The following MCUB variants were observed in gnomAD, a reference collection of about 807,000 sequenced individuals.
The protein encoded by MCUB is mitochondrial calcium uniporter dominant negative subunit beta, also known as calcium uniporter regulatory subunit MCUb, mitochondrial.
MCUB carries 46 observed loss-of-function variants against 41.4 expected under a neutral mutation model. The observed-to-expected ratio is 1.11, with a 90% CI of 0.88 to 1.42. The LOEUF is 1.42. MCUB is among the 40% of genes most tolerant of loss of function. MCUB has a pLI of 0.00. For synonymous variants in MCUB, 148 were observed against 148.2 expected (o/e 1.00, Z 0.01); for missense variants, 403 against 404.9 (o/e 1.00, Z 0.04).
At chr4:109,565,545 C>T (rs1305686973) in intron 1 of MCUB, among the ~76,000 whole-genome samples, 2 of 152,012 alleles carry the variant, frequency 1.3e-5, no homozygotes, top group Admixed American at 1.3e-4. Context: ...CAGAGAACAG[C>T]GAGCTGGTGT....
chr4:109,614,664 C>G (rs545481380), intron 1 of MCUB, among the ~76,000 whole-genome samples: 2 of 150,024 alleles, frequency 1.3e-5, no homozygotes, highest in Middle Eastern at 3.4e-3. Context: ...CCCCCAGGGA[C>G]TCAAGGTCGT....
chr4:109,606,276 GT>G lies in MCUB; in HGVS notation c.99+45848del, dbSNP rs372870427. On this transcript the variant is annotated intron_variant, in intron 1 of 7. Transcript: ENST00000394650. ...AGGTGTGAGCCACTGTGCCTGGCCT[GT>G]TTTTTTTGTTTTGTTTAAATCCATT... Among the ~76,000 whole-genome samples, 544 of 151,714 alleles carry G rather than the reference GT, an allele frequency of 3.6e-3. 7 individuals are homozygous for G. Among genetic ancestry groups the G allele is most frequent in the East Asian group, 0.014 (70 of 5,160 alleles).
intron 1 of MCUB, among the ~76,000 whole-genome samples, chr4:109,652,014 C>T (rs1728971963): frequency 6.6e-6 from 1 of 152,206 alleles, no homozygotes; most frequent in African/African-American, 2.4e-5. Context: ...AAGGTGTTGG[C>T]TCAGTTGGTT....
chr4:109,686,137 C>T (rs1296218647), intron 7 of MCUB, among the ~76,000 whole-genome samples: 4 of 152,068 alleles, frequency 2.6e-5, no homozygotes, highest in Non-Finnish European at 4.4e-5. Flanking sequence ...AATTGAAGGA[C>T]GTTTTAATTT....
Position 109,642,030 on chromosome 4 carries a change from T to A in MCUB, c.100-16981T>A, listed in dbSNP as rs566119564. On this transcript the variant is annotated intron_variant, in intron 1 of 7. Coordinates refer to ENST00000394650, the MANE Select transcript of MCUB (RefSeq NM_017918.5). ...TGGTCTAGATGCATAGCTAAAGAAA[T>A]TATCTTTGGCTCAGGAAAATAGATA... 5.9e-4 allele frequency among the ~76,000 whole-genome samples: 90 copies of A among 152,344 alleles called. No homozygotes were observed. The Middle Eastern group carries it at 0.01, about 17-fold the overall frequency.
chr4:109,675,359 T>C (rs1199424517), intron 4 of MCUB, among the ~76,000 whole-genome samples: 1 of 152,250 alleles, frequency 6.6e-6, no homozygotes, highest in Non-Finnish European at 1.5e-5. Context: ...AACCATGGCC[T>C]ATAAAAACTG....
At chr4:109,683,012 C>T (rs1404301877) in intron 5 of MCUB, 5 of 296,712 alleles carry the variant, frequency 1.7e-5, no homozygotes, top group South Asian at 5.6e-5. Flanking sequence ...TATGCCATGC[C>T]TCCTCTCCAG....
In MCUB at chr4:109,677,374, A is replaced by C. The variant is rs114776776; in HGVS notation, c.452-5208A>C. Among the ~76,000 whole-genome samples the C allele has an allele frequency of 9.7e-3, 1,474 of 152,236 alleles. 20 individuals are homozygous for C. The highest frequency in any genetic ancestry group is 0.033 in the African/African-American group (1,389 of 41,526). ...TTCTTGCCCATATCTGATTTAGATG[A>C]GACTTTGGAATTGGACTTTTGAGTA... is the stretch of plus-strand genomic sequence containing the variant. On this transcript the variant is annotated intron_variant, in intron 4 of 7. Coordinates refer to ENST00000394650, the MANE Select transcript of MCUB (RefSeq NM_017918.5).
intron 1 of MCUB, among the ~76,000 whole-genome samples, chr4:109,572,583 TATC>T (rs1396273781): frequency 2.6e-5 from 4 of 152,286 alleles, no homozygotes; most frequent in Non-Finnish European, 5.9e-5. Context: ...TAGTATATAA[TATC>T]ATAACTGACA....
At chr4:109,607,461 G>T (rs11732539) in intron 1 of MCUB, among the ~76,000 whole-genome samples, 35,698 of 151,994 alleles carry the variant, frequency 0.23, 4,416 homozygotes, top group Middle Eastern at 0.28. Flanking sequence ...CAGGTGATCC[G>T]CCTGCCTTGG....
chr4:109,568,768 G>A (rs1161164483), intron 1 of MCUB, among the ~76,000 whole-genome samples: 1 of 152,206 alleles, frequency 6.6e-6, no homozygotes, highest in East Asian at 1.9e-4. Context: ...GCAATCTGTG[G>A]TCGGAACTGT....
intron 1 of MCUB, among the ~76,000 whole-genome samples, chr4:109,642,801 T>C (rs1287055569): frequency 6.6e-6 from 1 of 152,178 alleles, no homozygotes; most frequent in Non-Finnish European, 1.5e-5. Flanking sequence ...AAATTTTTTT[T>C]TTAACTGTTC....
At chr4:109,623,543 G>A (rs1728298608) in intron 1 of MCUB, among the ~76,000 whole-genome samples, 1 of 152,136 alleles carries the variant, frequency 6.6e-6, no homozygotes, top group African/African-American at 2.4e-5. Flanking sequence ...TATTTCCCAG[G>A]ACAAATATTT....
chr4:109,567,960 A>T (rs992965317), intron 1 of MCUB, among the ~76,000 whole-genome samples: 2 of 152,124 alleles, frequency 1.3e-5, no homozygotes, highest in South Asian at 2.1e-4. Flanking sequence ...CGGCCTCCCA[A>T]AGTGCTGGGA....
intron 1 of MCUB, among the ~76,000 whole-genome samples, chr4:109,623,742 T>G (rs1728303958): frequency 6.6e-6 from 1 of 152,180 alleles, no homozygotes; most frequent in South Asian, 2.1e-4. Flanking sequence ...ATTATCACCA[T>G]AACAAGACAC....
chr4:109,614,319 C>T (rs144615107), intron 1 of MCUB, among the ~76,000 whole-genome samples: 1 of 152,106 alleles, frequency 6.6e-6, no homozygotes, highest in East Asian at 1.9e-4. Context: ...TTTGTGTCAC[C>T]ATAAATTCAT....
At chr4:109,655,248 A>T (rs1231289419) in intron 1 of MCUB, among the ~76,000 whole-genome samples, 1 of 152,230 alleles carries the variant, frequency 6.6e-6, no homozygotes. Context: ...CCAAGCCCAG[A>T]AGCTTCTGTC....
At chr4:109,573,380 G>A (rs1412050844) in intron 1 of MCUB, among the ~76,000 whole-genome samples, 1 of 151,666 alleles carries the variant, frequency 6.6e-6, no homozygotes, top group South Asian at 2.1e-4. Context: ...GTAAACCTGG[G>A]AGGTGGAGCT....
intron 4 of MCUB, among the ~76,000 whole-genome samples, chr4:109,668,818 A>G (rs1729397117): frequency 6.7e-6 from 1 of 149,294 alleles, no homozygotes; most frequent in African/African-American, 2.5e-5. Flanking sequence ...TTCTTTTTTT[A>G]GCGGTTGCCT....
Sources: allele counts gnomAD v4.1 joint callset (sites outside exome capture counted in the v4.1 genomes callset), GRCh38; gene constraint gnomAD v4.1.1; transcripts MANE v1.5; gene names NCBI Gene and HGNC (gene_info 2026-07-23, HGNC 2026-07-21).